The following RBMS3 variants were observed in gnomAD, a reference collection of about 807,000 sequenced individuals.
RBMS3 encodes the protein RNA-binding motif, single-stranded-interacting protein 3.
RBMS3 carries 27 observed loss-of-function variants against 66.8 expected under a neutral mutation model. That is an observed-to-expected ratio of 0.40 (90% CI 0.30 to 0.56). The LOEUF (loss-of-function observed/expected upper bound fraction) is 0.56. Ranked by LOEUF, RBMS3 falls within the 20% of genes least tolerant of loss-of-function variation. The pLI is 0.40. For synonymous variants in RBMS3, 188 were observed against 183.0 expected, an observed-to-expected ratio of 1.03 and a Z score of -0.22; for missense variants, 513 against 549.5, an observed-to-expected ratio of 0.93 and a Z score of 0.66.
rs574801623 is a variant in RBMS3 at position 29,956,721 on chromosome 3, C to CT, written c.1098+12468dup. Among the ~76,000 whole-genome samples the CT allele has an allele frequency of 5.5e-4, 84 of 152,264 alleles. No homozygotes were observed. In the East Asian group the frequency reaches 0.012, roughly 22 times the overall value. On this transcript the variant is annotated intron_variant, in intron 12 of 14. Transcript: ENST00000383767. ...TTGGCAGGACTAGCACAATATCCAT[C>CT]TAACTGGTCGGACTGATTCAAGCCT...
chr3:29,669,894 G>A (rs1159402691), intron 4 of RBMS3, among the ~76,000 whole-genome samples: 1 of 152,190 alleles, frequency 6.6e-6, no homozygotes, highest in Admixed American at 6.5e-5. Context: ...ATAGAATCAT[G>A]CCTGGGAATC....
chr3:29,610,301 A>G (rs974083308), intron 4 of RBMS3, among the ~76,000 whole-genome samples: 5 of 152,074 alleles, frequency 3.3e-5, no homozygotes, highest in African/African-American at 1.2e-4. Flanking sequence ...CCTACAAGAA[A>G]TAAATTTTAT....
intron 1 of RBMS3, among the ~76,000 whole-genome samples, chr3:29,330,431 T>C (rs2035585200): frequency 6.6e-6 from 1 of 152,164 alleles, no homozygotes; most frequent in Admixed American, 6.5e-5. Context: ...TAAACTACTT[T>C]ATCTAATTTA....
At chr3:29,465,898 T>C (rs1284178957) in intron 2 of RBMS3, among the ~76,000 whole-genome samples, 1 of 152,066 alleles carries the variant, frequency 6.6e-6, no homozygotes, top group African/African-American at 2.4e-5. Context: ...TATGGTGGAA[T>C]GGACTAGGAG....
rs1446676941 is a variant in RBMS3 at position 29,424,133 on chromosome 3, A to G, written c.76-10610A>G. On this transcript the variant is annotated intron_variant, in intron 1 of 14. Coordinates refer to ENST00000383767, the MANE Select transcript of RBMS3 (RefSeq NM_001003793.3). ...GTAGATATTGATGAAGTAGAAACTG[A>G]AAAAGTATGGAAATGAAATAGCTCT... 3.9e-5 allele frequency among the ~76,000 whole-genome samples: 6 copies of G among 152,238 alleles called. No individual in the cohort carries two copies. The South Asian group carries it at 1.2e-3, about 31-fold the overall frequency.
intron 12 of RBMS3, among the ~76,000 whole-genome samples, chr3:29,950,709 C>CTCTCAGT (rs1040726756): frequency 1.3e-5 from 2 of 151,838 alleles, no homozygotes; most frequent in Non-Finnish European, 2.9e-5. Flanking sequence ...GAAATGTTTT[C>CTCTCAGT]TCTCAGTTAA....
intron 2 of RBMS3, among the ~76,000 whole-genome samples, chr3:29,477,057 C>T (rs17023679): frequency 0.072 from 10,974 of 152,162 alleles, 468 homozygotes; most frequent in East Asian, 0.16. Context: ...CTACAGTACA[C>T]GGAATTTCTC....
At chr3:29,518,338 A>C (rs757838020) in intron 3 of RBMS3, among the ~76,000 whole-genome samples, 1 of 152,206 alleles carries the variant, frequency 6.6e-6, no homozygotes, top group African/African-American at 2.4e-5. Context: ...TTATTTTATG[A>C]GTTATCATGT....
intron 3 of RBMS3, among the ~76,000 whole-genome samples, chr3:29,491,145 G>T (rs568067065): frequency 6.6e-6 from 1 of 152,300 alleles, no homozygotes; most frequent in South Asian, 2.1e-4. Flanking sequence ...ACTAAAAATG[G>T]GCGGTCAGGG....
At chr3:29,994,524 G>A (rs1477014681) in intron 14 of RBMS3, among the ~76,000 whole-genome samples, 2 of 152,248 alleles carry the variant, frequency 1.3e-5, no homozygotes, top group Non-Finnish European at 1.5e-5. Flanking sequence ...AGACTTAAAT[G>A]TCTCTGTCTG....
chr3:29,527,191 A>T (rs1296698256), intron 3 of RBMS3, among the ~76,000 whole-genome samples: 5 of 149,038 alleles, frequency 3.4e-5, no homozygotes, highest in African/African-American at 4.9e-5. Context: ...TAAAAAAAAA[A>T]AAAAAAAAAA....
At chr3:29,309,619 G>C (rs557207599) in intron 1 of RBMS3, among the ~76,000 whole-genome samples, 1 of 151,356 alleles carries the variant, frequency 6.6e-6, no homozygotes, top group African/African-American at 2.4e-5. Flanking sequence ...TGGGGGGGGC[G>C]GTGGTGGCGG....
chr3:29,867,232 G>A, intron 6 of RBMS3, among the ~76,000 whole-genome samples: 1 of 151,896 alleles, frequency 6.6e-6, no homozygotes, highest in East Asian at 1.9e-4. Flanking sequence ...GTAAATGCAA[G>A]GAATCTAGCT....
At chr3:29,582,921 A>C (rs1008566158) in intron 3 of RBMS3, among the ~76,000 whole-genome samples, 3 of 152,114 alleles carry the variant, frequency 2.0e-5, no homozygotes, top group Admixed American at 6.6e-5. Flanking sequence ...ATAAACTTCT[A>C]TTGTAACTAG....
intron 1 of RBMS3, among the ~76,000 whole-genome samples, chr3:29,329,202 G>A (rs907879915): frequency 1.3e-5 from 2 of 151,986 alleles, no homozygotes; most frequent in African/African-American, 4.8e-5. Flanking sequence ...TGTTGGGGTG[G>A]GGCAGGGGGT....
At chr3:29,294,569 G>A (rs1034984358) in intron 1 of RBMS3, among the ~76,000 whole-genome samples, 1 of 151,814 alleles carries the variant, frequency 6.6e-6, no homozygotes, top group Non-Finnish European at 1.5e-5. Flanking sequence ...GGAACTGGGG[G>A]ATGAAAGTAA....
intron 6 of RBMS3, among the ~76,000 whole-genome samples, chr3:29,783,236 G>A (rs868735709): frequency 6.6e-6 from 1 of 152,048 alleles, no homozygotes; most frequent in African/African-American, 2.4e-5. Context: ...CATCACCTAG[G>A]CACATTGTCA....
At chr3:29,855,654 A>C (rs2059055201) in intron 6 of RBMS3, among the ~76,000 whole-genome samples, 1 of 152,208 alleles carries the variant, frequency 6.6e-6, no homozygotes, top group South Asian at 2.1e-4. Flanking sequence ...TAAATGCTTT[A>C]TTAAGAAATT....
chr3:29,624,976 T>C (rs186364055), intron 4 of RBMS3, among the ~76,000 whole-genome samples: 4 of 152,238 alleles, frequency 2.6e-5, no homozygotes, highest in Admixed American at 6.5e-5. Flanking sequence ...TGGGAGGTGA[T>C]TGGAACATGG....
Sources: allele counts gnomAD v4.1 joint callset (sites outside exome capture counted in the v4.1 genomes callset), GRCh38; gene constraint gnomAD v4.1.1; transcripts MANE v1.5; gene names NCBI Gene and HGNC (gene_info 2026-07-23, HGNC 2026-07-21).